The following MORC1 variants were observed in gnomAD, a reference collection of about 807,000 sequenced individuals.
MORC1 encodes the protein MORC family CW-type zinc finger 1, also known as MORC family CW-type zinc finger protein 1.
A neutral mutation model predicts 134.9 loss-of-function variants in MORC1; 59 were observed. The observed-to-expected ratio is 0.44, with a 90% CI of 0.35 to 0.54. The LOEUF is 0.54. MORC1 is among the 20% of genes least tolerant of loss of function. The pLI is 0.00. For synonymous variants in MORC1, 395 were observed against 391.7 expected (o/e 1.01, Z -0.10); for missense variants, 947 against 1,134.5 (o/e 0.83, Z 2.37).
intron 17 of MORC1, among the ~76,000 whole-genome samples, chr3:109,025,147 G>T (rs1013566872): frequency 6.6e-6 from 1 of 152,056 alleles, no homozygotes; most frequent in African/African-American, 2.4e-5. Context: ...ATTTTTAAAA[G>T]AGAGATGCCA....
chr3:109,043,805 C>T (rs1039470301), intron 14 of MORC1, among the ~76,000 whole-genome samples: 2 of 152,134 alleles, frequency 1.3e-5, no homozygotes, highest in Non-Finnish European at 2.9e-5. Flanking sequence ...GACAAAATGC[C>T]TCATTAATAT....
intron 26 of MORC1, 130 bp downstream of exon 26, chr3:108,969,538 TA>T: frequency 1.2e-6 from 1 of 837,204 alleles, no homozygotes; most frequent in Non-Finnish European, 2.0e-6. Flanking sequence ...AGCTATACAT[TA>T]ATCTAAGTCT....
At chr3:109,084,692 A>G (rs995957166) in intron 8 of MORC1, among the ~76,000 whole-genome samples, 2 of 152,148 alleles carry the variant, frequency 1.3e-5, no homozygotes, top group African/African-American at 4.8e-5. Flanking sequence ...GAATAGCCAA[A>G]GCAATCCTGA....
intron 3 of MORC1, among the ~76,000 whole-genome samples, chr3:109,106,109 T>G (rs1251257253): frequency 6.6e-6 from 1 of 152,244 alleles, no homozygotes; most frequent in Non-Finnish European, 1.5e-5. Flanking sequence ...TATTCTAATG[T>G]AACTGGTCTT....
chr3:109,105,632 T>A (rs1200656500), intron 3 of MORC1, among the ~76,000 whole-genome samples: 1 of 148,190 alleles, frequency 6.7e-6, no homozygotes, highest in Non-Finnish European at 1.5e-5. Context: ...TAAGCTATGA[T>A]CACACCACTG....
chr3:109,053,173 G>A (rs1949870417), intron 14 of MORC1, among the ~76,000 whole-genome samples: 1 of 151,896 alleles, frequency 6.6e-6, no homozygotes, highest in South Asian at 2.1e-4. Flanking sequence ...ATGTTGGTGG[G>A]AATGTAAATT....
intron 16 of MORC1, among the ~76,000 whole-genome samples, chr3:109,031,466 A>G (rs760751287): frequency 2.0e-5 from 3 of 152,180 alleles, no homozygotes; most frequent in Non-Finnish European, 4.4e-5. Flanking sequence ...CCTAGACTAT[A>G]TGAAAGTTCT....
chr3:109,005,581 A>G (rs1048969360), intron 18 of MORC1, among the ~76,000 whole-genome samples: 23 of 152,184 alleles, frequency 1.5e-4, no homozygotes, highest in Non-Finnish European at 1.2e-4. Context: ...CATACTGTGC[A>G]TTCTGACTTT....
chr3:109,016,547 T>C (rs978976293), intron 17 of MORC1, among the ~76,000 whole-genome samples: 5 of 152,192 alleles, frequency 3.3e-5, no homozygotes, highest in Non-Finnish European at 4.4e-5. Flanking sequence ...TTACTTCCTG[T>C]CCTTGCTGGA....
chr3:109,015,042 C>G (rs1188615595), intron 17 of MORC1, among the ~76,000 whole-genome samples: 2 of 152,088 alleles, frequency 1.3e-5, no homozygotes, highest in African/African-American at 4.8e-5. Flanking sequence ...CCTGCCACCA[C>G]GCCCAGCTAA....
chr3:109,080,780 G>C (rs1254724621), intron 8 of MORC1, among the ~76,000 whole-genome samples: 3 of 152,018 alleles, frequency 2.0e-5, no homozygotes, highest in Non-Finnish European at 4.4e-5. Flanking sequence ...TGAAAGAAAG[G>C]CTTGGTATTT....
At chr3:109,063,382 A>T in intron 9 of MORC1, 151 bp from the exon 10 acceptor site, 1 of 459,960 alleles carries the variant, frequency 2.2e-6, no homozygotes, top group Non-Finnish European at 3.8e-6. Flanking sequence ...AAATTAGCAA[A>T]CTTTATACCT....
At chr3:109,117,526 G>A (rs1951298713) in intron 1 of MORC1, among the ~76,000 whole-genome samples, 1 of 152,146 alleles carries the variant, frequency 6.6e-6, no homozygotes, top group African/African-American at 2.4e-5. Context: ...GCATGGCAGA[G>A]AAGAAGAAAT....
intron 21 of MORC1, among the ~76,000 whole-genome samples, chr3:108,999,046 C>T (rs1576614863): frequency 6.6e-6 from 1 of 152,172 alleles, no homozygotes; most frequent in Admixed American, 6.5e-5. Context: ...CAGTAATATT[C>T]ACAGGTACAA....
chr3:109,102,563 TCTA>T (rs2107783277), intron 4 of MORC1, among the ~76,000 whole-genome samples: 1 of 152,268 alleles, frequency 6.6e-6, no homozygotes, highest in South Asian at 2.1e-4. Flanking sequence ...ACGGATAGAT[TCTA>T]CTTTTAGTCA....
chr3:108,975,277 C>A (rs1035298396), intron 24 of MORC1, among the ~76,000 whole-genome samples: 1 of 152,154 alleles, frequency 6.6e-6, no homozygotes, highest in Non-Finnish European at 1.5e-5. Flanking sequence ...ATGGAAATGG[C>A]ACAGTTGTAA....
chr3:109,074,220 C>G (rs192103264), intron 8 of MORC1, among the ~76,000 whole-genome samples: 1 of 152,290 alleles, frequency 6.6e-6, no homozygotes, highest in African/African-American at 2.4e-5. Context: ...TGCCTGAGAT[C>G]GATCCCGAGC....
At chr3:108,972,866 C>A (rs1021099590) in intron 24 of MORC1, among the ~76,000 whole-genome samples, 10 of 152,146 alleles carry the variant, frequency 6.6e-5, no homozygotes, top group Non-Finnish European at 1.3e-4. Flanking sequence ...AATCAGAAAT[C>A]CCCTAAGAAA....
At chr3:109,063,369 G>T in intron 9 of MORC1, 138 bp from the exon 10 acceptor site, 2 of 485,492 alleles carry the variant, frequency 4.1e-6, no homozygotes, top group South Asian at 5.2e-5. Flanking sequence ...GCATCCAGCT[G>T]GTAAATTAGC....
Sources: gnomAD v4.1 joint callset for allele counts (sites outside exome capture counted in the v4.1 genomes callset) on GRCh38, gnomAD v4.1.1 for gene constraint, MANE v1.5 for transcripts, NCBI Gene and HGNC (gene_info 2026-07-23, HGNC 2026-07-21) for gene names.